The following COL6A5 variants were observed in gnomAD, a reference collection of about 807,000 sequenced individuals.
The protein encoded by COL6A5 is collagen alpha-5(VI) chain.
In COL6A5, 48 loss-of-function variants were observed where a neutral mutation model predicts 65.6. That is an observed-to-expected ratio of 0.73 (90% CI 0.58 to 0.93). The LOEUF (loss-of-function observed/expected upper bound fraction) is 0.93, where lower values mean the gene tolerates loss of function less well. COL6A5 is among the 40% of genes least tolerant of loss of function. COL6A5 has a pLI of 0.00. For synonymous variants in COL6A5, 291 were observed against 322.8 expected, an observed-to-expected ratio of 0.90 and a Z score of 1.05; for missense variants, 914 against 928.3, an observed-to-expected ratio of 0.98 and a Z score of 0.20.
intron 1 of COL6A5, among the ~76,000 whole-genome samples, chr3:130,352,633 C>G (rs60110505): frequency 0.066 from 10,060 of 152,170 alleles, 437 homozygotes; most frequent in Middle Eastern, 0.13. Context: ...AGGCCACATA[C>G]CCAGTTAGTA....
chr3:130,384,985 T>C, exon 5 of COL6A5: 1 of 1,551,000 alleles, frequency 6.4e-7, no homozygotes. Flanking sequence ...AAGTGGAATT[T>C]TATATCACTG....
chr3:130,385,133 C>T, exon 5 of COL6A5: 3 of 1,551,016 alleles, frequency 1.9e-6, no homozygotes, highest in Non-Finnish European at 2.6e-6. Context: ...GAGCAAGGTT[C>T]CCTGTTACCT....
chr3:130,356,759 A>G (rs1235118983), intron 1 of COL6A5, among the ~76,000 whole-genome samples: 1 of 152,170 alleles, frequency 6.6e-6, no homozygotes, highest in African/African-American at 2.4e-5. Context: ...GAAATTGAAA[A>G]TGCAGTCACT....
intron 1 of COL6A5, among the ~76,000 whole-genome samples, chr3:130,347,180 T>C (rs886949065): frequency 2.6e-5 from 4 of 152,170 alleles, no homozygotes; most frequent in African/African-American, 9.7e-5. Context: ...CAAATTTATT[T>C]GCAGATATTT....
intron 4 of COL6A5, among the ~76,000 whole-genome samples, chr3:130,447,184 T>C (rs1709326452): frequency 6.6e-6 from 1 of 152,276 alleles, no homozygotes; most frequent in South Asian, 2.1e-4. Context: ...AGAATACAGA[T>C]GTTTTTTAAC....
At position 130,384,789 on chromosome 3, in the gene COL6A5, G is replaced by A. The variant is rs1363708033; in HGVS notation, c.1301-15G>A. ...CTAGGTTCTCTAATTTACAGAGAATGCACTTCTTTTTCAGGCTGTGTGGAT... is the reference window on the plus strand; with the variant it reads ...CTAGGTTCTCTAATTTACAGAGAATACACTTCTTTTTCAGGCTGTGTGGAT... On this transcript the variant is annotated splice_polypyrimidine_tract_variant and intron_variant and NMD_transcript_variant, in intron 4 of 41. Transcript: ENST00000312481. 6.6e-7 allele frequency: 1 copy of A among 1,515,836 alleles called. No homozygotes were observed. The highest frequency in any genetic ancestry group is 2.2e-5 in the Admixed American group (1 of 45,304). 93.9% of individuals were successfully genotyped at this position (1,515,836 alleles called of 1,614,324 possible). A position where few individuals can be genotyped will look rare whatever the true frequency, so the allele number is the denominator to read the frequency against.
At chr3:130,431,354 A>T (rs1937797142), upstream of COL6A5, 1 of 1,207,264 alleles carries the variant, frequency 8.3e-7, no homozygotes, top group Admixed American at 2.0e-5. Flanking sequence ...CTAGAGCTGG[A>T]TGAAGCACTT....
intron 1 of COL6A5, among the ~76,000 whole-genome samples, chr3:130,358,277 A>G (rs914745175): frequency 6.6e-6 from 1 of 152,194 alleles, no homozygotes; most frequent in East Asian, 1.9e-4. Context: ...AGTTCTGGTC[A>G]ATGTAATAAT....
At chr3:130,478,044 T>C (rs1336666706) in intron 7 of COL6A5, among the ~76,000 whole-genome samples, 1 of 152,052 alleles carries the variant, frequency 6.6e-6, no homozygotes, top group Non-Finnish European at 1.5e-5. Context: ...TGAATCCTAT[T>C]TCTGCAATTA....
intron 13 of COL6A5, 101 bp downstream of exon 13, chr3:130,403,763 C>T (rs1936894851): frequency 2.3e-6 from 2 of 882,286 alleles, no homozygotes; most frequent in Admixed American, 3.4e-5. Context: ...ATAAAAAAAG[C>T]TTATTTTCAT....
chr3:130,461,561 T>A (rs1357521189), intron 5 of COL6A5, among the ~76,000 whole-genome samples: 1 of 152,058 alleles, frequency 6.6e-6, no homozygotes, highest in Non-Finnish European at 1.5e-5. Flanking sequence ...TCCAAAAACA[T>A]GACCTTCAAC....
chr3:130,450,622 G>A (rs1709410594), intron 4 of COL6A5, among the ~76,000 whole-genome samples: 1 of 152,124 alleles, frequency 6.6e-6, no homozygotes, highest in Admixed American at 6.6e-5. Flanking sequence ...TACATTCGTG[G>A]TTTGCATTTT....
At chr3:130,444,640 C>G (rs1474889344) in intron 4 of COL6A5, among the ~76,000 whole-genome samples, 1 of 152,062 alleles carries the variant, frequency 6.6e-6, no homozygotes, top group Non-Finnish European at 1.5e-5. Context: ...GATTCTTTGA[C>G]TGGTCCAGCA....
At chr3:130,420,879 G>A (rs780091666) in intron 25 of COL6A5, among the ~76,000 whole-genome samples, 17 of 152,148 alleles carry the variant, frequency 1.1e-4, no homozygotes, top group Middle Eastern at 3.4e-3. Flanking sequence ...ATTTTCTAGG[G>A]AAGAAACTGC....
chr3:130,416,749 T>G lies in COL6A5; in HGVS notation c.4825-8T>G. Reference sequence around the variant, plus strand: ...TGCCAACATTTTAGTCTCTAATTTTTTTTTCAGGGTTCTCCTGGGCTAATG... The same window carrying G: ...TGCCAACATTTTAGTCTCTAATTTTGTTTTCAGGGTTCTCCTGGGCTAATG... On this transcript the variant is annotated splice_region_variant and splice_polypyrimidine_tract_variant and intron_variant and NMD_transcript_variant, in intron 23 of 41. Transcript: ENST00000312481. 3 of 1,516,654 alleles carry G rather than the reference T, an allele frequency of 2.0e-6. No homozygotes were observed. The highest frequency in any genetic ancestry group is 1.8e-6 in the Non-Finnish European group (2 of 1,124,316). 93.9% of individuals were successfully genotyped at this position (1,516,654 alleles called of 1,614,324 possible). A position where few individuals can be genotyped will look rare whatever the true frequency, so the allele number is the denominator to read the frequency against.
intron 1 of COL6A5, among the ~76,000 whole-genome samples, chr3:130,432,495 G>T (rs1937863582): frequency 6.6e-6 from 1 of 150,548 alleles, no homozygotes; most frequent in South Asian, 2.1e-4. Context: ...AGGTTGTGGT[G>T]AGCCGAAATG....
At chr3:130,377,242 A>C (rs1184556829) in intron 3 of COL6A5, among the ~76,000 whole-genome samples, 1 of 152,174 alleles carries the variant, frequency 6.6e-6, no homozygotes, top group Non-Finnish European at 1.5e-5. Flanking sequence ...CAGGTAGCAC[A>C]TGAGGGCAGG....
intron 7 of COL6A5, among the ~76,000 whole-genome samples, chr3:130,393,469 AG>A (rs1211801738): frequency 5.3e-5 from 8 of 152,176 alleles, no homozygotes; most frequent in African/African-American, 1.7e-4. Flanking sequence ...AAAGACTACA[AG>A]CTCCACAGGC....
chr3:130,471,359 T>C (rs923519927), intron 7 of COL6A5, among the ~76,000 whole-genome samples: 72 of 152,174 alleles, frequency 4.7e-4, no homozygotes, highest in Admixed American at 1.6e-3. Flanking sequence ...TATTTGGCCA[T>C]TTAGAAAGCA....
Sources: allele counts gnomAD v4.1 joint callset (sites outside exome capture counted in the v4.1 genomes callset), GRCh38; gene constraint gnomAD v4.1.1; transcripts MANE v1.5; gene names NCBI Gene and HGNC (gene_info 2026-07-23, HGNC 2026-07-21).